CEP128: variants seen among roughly 807,000 people sequenced by gnomAD.
CEP128 encodes centrosomal protein 128.
Under a neutral mutation model 156.7 loss-of-function variants are expected in CEP128, and 132 were observed. That is an observed-to-expected ratio of 0.84 (90% CI 0.73 to 0.97). CEP128 has a LOEUF of 0.97. Among genes scored for constraint, CEP128 ranks in the 50% least tolerant of loss-of-function variants. The pLI is 0.00. For missense variants in CEP128, 1,252 were observed against 1,281.9 expected (o/e 0.98, Z 0.36); for synonymous variants, 469 against 448.9 (o/e 1.04, Z -0.57).
At chr14:80,786,936 C>T (rs1022597500) in intron 14 of CEP128, among the ~76,000 whole-genome samples, 3 of 151,994 alleles carry the variant, frequency 2.0e-5, no homozygotes, top group South Asian at 2.1e-4. Flanking sequence ...AGCAAGACCC[C>T]GTCTCTACTG....
intron 19 of CEP128, among the ~76,000 whole-genome samples, chr14:80,693,692 C>A (rs1163632534): frequency 6.6e-6 from 1 of 152,078 alleles, no homozygotes; most frequent in Non-Finnish European, 1.5e-5. Flanking sequence ...AGAGGCAGTT[C>A]CCTATATATG....
chr14:80,848,505 C>T (rs1394848344), intron 9 of CEP128, among the ~76,000 whole-genome samples: 1 of 151,926 alleles, frequency 6.6e-6, no homozygotes, highest in African/African-American at 2.4e-5. Context: ...ACTTAAATTA[C>T]AAAAAATTAG....
intron 20 of CEP128, among the ~76,000 whole-genome samples, chr14:80,571,034 C>CT (rs1891119315): frequency 6.6e-6 from 1 of 152,146 alleles, no homozygotes; most frequent in Admixed American, 6.6e-5. Flanking sequence ...CCTTACTTAT[C>CT]TGGGTCTGAC....
At chr14:80,536,192 T>C (rs1182819710) in intron 21 of CEP128, among the ~76,000 whole-genome samples, 3 of 152,190 alleles carry the variant, frequency 2.0e-5, no homozygotes, top group Admixed American at 2.0e-4. Flanking sequence ...AAGGGGGGAA[T>C]GCATTGCAAT....
chr14:80,812,366 G>A (rs1255845239), intron 13 of CEP128, among the ~76,000 whole-genome samples: 1 of 152,154 alleles, frequency 6.6e-6, no homozygotes, highest in African/African-American at 2.4e-5. Context: ...AATGAACATA[G>A]ACACCTATAT....
intron 8 of CEP128, chr14:80,894,798 A>G (rs1229747281): frequency 3.4e-6 from 1 of 297,918 alleles, no homozygotes; most frequent in Non-Finnish European, 6.5e-6. Flanking sequence ...CAAAAAGATC[A>G]ACTTAGTTGA....
intron 20 of CEP128, among the ~76,000 whole-genome samples, chr14:80,578,496 C>A (rs1230351633): frequency 6.6e-6 from 1 of 152,112 alleles, no homozygotes; most frequent in Non-Finnish European, 1.5e-5. Context: ...TTAGCTCTCC[C>A]TTCTGGGATC....
At chr14:80,873,430 T>C (rs1262925594) in intron 8 of CEP128, among the ~76,000 whole-genome samples, 5 of 152,206 alleles carry the variant, frequency 3.3e-5, no homozygotes, top group Admixed American at 3.3e-4. Flanking sequence ...GAAATCCAAA[T>C]AAAATGATAA....
chr14:80,661,695 C>T (rs1895409718), intron 19 of CEP128, among the ~76,000 whole-genome samples: 2 of 152,080 alleles, frequency 1.3e-5, no homozygotes, highest in African/African-American at 2.4e-5. Context: ...TTCATTAAAG[C>T]AGGTTTTTGC....
chr14:80,955,563 C>G, intron 2 of CEP128: 1 of 1,271,738 alleles, frequency 7.9e-7, no homozygotes, highest in Non-Finnish European at 1.1e-6. Flanking sequence ...CCTTGGAGCC[C>G]TCCCTCTTCC....
At chr14:80,661,436 T>C (rs1241023274) in intron 19 of CEP128, among the ~76,000 whole-genome samples, 1 of 152,168 alleles carries the variant, frequency 6.6e-6, no homozygotes, top group Non-Finnish European at 1.5e-5. Context: ...TGCTCTTAGG[T>C]AATGAATCTT....
At chr14:80,940,550 G>C (rs573090473) in intron 1 of CEP128, among the ~76,000 whole-genome samples, 5 of 151,450 alleles carry the variant, frequency 3.3e-5, no homozygotes, top group Non-Finnish European at 7.4e-5. Flanking sequence ...ATGGTGGCGA[G>C]TGCCTGTAAT....
chr14:80,732,140 G>T (rs936692609), intron 19 of CEP128, among the ~76,000 whole-genome samples: 1 of 152,092 alleles, frequency 6.6e-6, no homozygotes, highest in African/African-American at 2.4e-5. Context: ...GGTACCAGAT[G>T]CAATGAGGAA....
At chr14:80,914,984 C>T (rs1163293702) in intron 3 of CEP128, among the ~76,000 whole-genome samples, 1 of 152,154 alleles carries the variant, frequency 6.6e-6, no homozygotes, top group East Asian at 1.9e-4. Context: ...TGGGAAAGCA[C>T]AAGAATTCAT....
chr14:80,500,018 A>G (rs1887663777), intron 24 of CEP128, among the ~76,000 whole-genome samples: 1 of 152,124 alleles, frequency 6.6e-6, no homozygotes, highest in African/African-American at 2.4e-5. Context: ...CTGTGTTCCT[A>G]TTTCCAATGG....
chr14:80,570,944 A>T (rs1261169193), intron 20 of CEP128, among the ~76,000 whole-genome samples: 1 of 152,178 alleles, frequency 6.6e-6, no homozygotes, highest in Middle Eastern at 3.2e-3. Flanking sequence ...TTATTTGTAT[A>T]CATTTTTATA....
intron 19 of CEP128, among the ~76,000 whole-genome samples, chr14:80,588,933 T>C (rs1891932139): frequency 6.6e-6 from 1 of 152,132 alleles, no homozygotes; most frequent in Non-Finnish European, 1.5e-5. Context: ...CATTGAGTGT[T>C]ATCTCACTTC....
At chr14:80,663,581 A>G (rs996980639) in intron 19 of CEP128, among the ~76,000 whole-genome samples, 1 of 152,218 alleles carries the variant, frequency 6.6e-6, no homozygotes, top group African/African-American at 2.4e-5. Context: ...AAACAGCAGT[A>G]ACAGAAATTA....
intron 19 of CEP128, among the ~76,000 whole-genome samples, chr14:80,610,278 ATATC>A (rs1892944590): frequency 6.6e-6 from 1 of 152,292 alleles, no homozygotes; most frequent in African/African-American, 2.4e-5. Flanking sequence ...GTTTGAGTAT[ATATC>A]TAGGAATGCT....
Sources: allele counts gnomAD v4.1 joint callset (sites outside exome capture counted in the v4.1 genomes callset), GRCh38; gene constraint gnomAD v4.1.1; transcripts MANE v1.5; gene names NCBI Gene and HGNC (gene_info 2026-07-23, HGNC 2026-07-21).